CSTF3: variants seen among roughly 807,000 people sequenced by gnomAD.
CSTF3 encodes the protein cleavage stimulation factor subunit 3, also known as CF-1 77 kDa subunit.
Under a neutral mutation model 105.8 loss-of-function variants are expected in CSTF3, and 29 were observed. The observed-to-expected ratio is 0.27, with a 90% CI of 0.20 to 0.37. CSTF3 has a LOEUF of 0.37. CSTF3 is among the 10% of genes least tolerant of loss of function. CSTF3 has a pLI of 1.00. For synonymous variants in CSTF3, 252 were observed against 281.9 expected (o/e 0.89, Z 1.06); for missense variants, 357 against 879.3 (o/e 0.41, Z 7.51).
chr11:33,160,365 CT>C (rs1377640762), intron 1 of CSTF3, among the ~76,000 whole-genome samples: 1 of 152,148 alleles, frequency 6.6e-6, no homozygotes, highest in Non-Finnish European at 1.5e-5. Flanking sequence ...GCTAGGGAAC[CT>C]GAAAAACGAA....
At chr11:33,114,954 G>A (rs772147458) in intron 3 of CSTF3, among the ~76,000 whole-genome samples, 1 of 152,160 alleles carries the variant, frequency 6.6e-6, no homozygotes, top group South Asian at 2.1e-4. Flanking sequence ...ACTTTGTGTA[G>A]GTTTTCACAC....
intron 1 of CSTF3, among the ~76,000 whole-genome samples, chr11:33,157,189 C>T (rs796404550): frequency 9.9e-5 from 15 of 152,220 alleles, no homozygotes; most frequent in African/African-American, 3.4e-4. Flanking sequence ...ACCATTTCTA[C>T]TAAAAATACA....
chr11:33,116,696 A>G (rs1855434207), intron 3 of CSTF3, among the ~76,000 whole-genome samples: 1 of 152,200 alleles, frequency 6.6e-6, no homozygotes, highest in South Asian at 2.1e-4. Flanking sequence ...TGGCAGGTAA[A>G]CAATGAGGAA....
At chr11:33,087,660 G>T (rs1255316980) in intron 17 of CSTF3, among the ~76,000 whole-genome samples, 2 of 152,216 alleles carry the variant, frequency 1.3e-5, no homozygotes, top group African/African-American at 2.4e-5. Flanking sequence ...AATATTTACT[G>T]AGCAGACACT....
chr11:33,126,819 G>T (rs1489125561), intron 3 of CSTF3, among the ~76,000 whole-genome samples: 3 of 152,040 alleles, frequency 2.0e-5, no homozygotes, highest in Non-Finnish European at 2.9e-5. Flanking sequence ...GTAGCTTCCT[G>T]GAATATAGCA....
At chr11:33,153,734 T>C (rs953349872) in intron 1 of CSTF3, among the ~76,000 whole-genome samples, 1 of 149,554 alleles carries the variant, frequency 6.7e-6, no homozygotes, top group Non-Finnish European at 1.5e-5. Context: ...AAAAGATAAT[T>C]CTCTTTCTCC....
intron 18 of CSTF3, among the ~76,000 whole-genome samples, chr11:33,086,595 G>T (rs1855108205): frequency 6.6e-6 from 1 of 152,010 alleles, no homozygotes; most frequent in African/African-American, 2.4e-5. Flanking sequence ...ATGCCACCAG[G>T]CCCAGAAAAT....
chr11:33,105,818 G>T (rs1855320584), intron 7 of CSTF3, 65 bp downstream of exon 7: 12 of 1,513,814 alleles, frequency 7.9e-6, no homozygotes, highest in South Asian at 1.2e-5. Flanking sequence ...ATTTCTCAAA[G>T]AACTAAAAAT....
intron 17 of CSTF3, among the ~76,000 whole-genome samples, chr11:33,088,290 T>TC (rs1590260440): frequency 2.8e-5 from 3 of 106,618 alleles, no homozygotes; most frequent in African/African-American, 1.6e-4. Context: ...ACTTACTCTC[T>TC]TTTTTTTTTT....
At chr11:33,106,308 C>T (rs907839341) in intron 5 of CSTF3, among the ~76,000 whole-genome samples, 9 of 152,058 alleles carry the variant, frequency 5.9e-5, no homozygotes, top group East Asian at 1.9e-4. Context: ...CCTAGCTACT[C>T]GGAAGGCTGA....
rs775372351 is a variant in CSTF3 at position 33,100,072 on chromosome 11, T to C, written c.827-355A>G. On this transcript the variant is annotated intron_variant, in intron 10 of 20. Coordinates refer to ENST00000323959, the MANE Select transcript of CSTF3 (RefSeq NM_001326.3). ...ACATCTGGCTTATTTTTAAAAATCT[T>C]GTGGCCAGGTGCGGTGGCTCACATC... 6.9e-4 allele frequency among the ~76,000 whole-genome samples: 105 copies of C among 151,896 alleles called. 1 individual carries two copies. Among genetic ancestry groups the C allele is most frequent in the Non-Finnish European group, 2.6e-4 (18 of 67,952 alleles).
chr11:33,147,510 G>A (rs1055720372), intron 1 of CSTF3, among the ~76,000 whole-genome samples: 4 of 151,534 alleles, frequency 2.6e-5, no homozygotes, highest in Non-Finnish European at 5.9e-5. Context: ...CAAGAGAATC[G>A]CTTGAGACCA....
chr11:33,124,658 A>G (rs1395606206), intron 3 of CSTF3, among the ~76,000 whole-genome samples: 1 of 152,212 alleles, frequency 6.6e-6, no homozygotes, highest in Non-Finnish European at 1.5e-5. Context: ...GGAAGCAAAT[A>G]TGAAGAGAAA....
intron 1 of CSTF3, among the ~76,000 whole-genome samples, chr11:33,152,478 T>G (rs1487257882): frequency 1.3e-5 from 2 of 152,116 alleles, no homozygotes; most frequent in Non-Finnish European, 2.9e-5. Flanking sequence ...AAATCCCTTA[T>G]CAGACATGAT....
At chr11:33,137,305 TAC>T (rs141856365) in intron 3 of CSTF3, among the ~76,000 whole-genome samples, 2,546 of 151,900 alleles carry the variant, frequency 0.017, 80 homozygotes, top group African/African-American at 0.059. Flanking sequence ...TTAGAAAACA[TAC>T]AGTTTTATTT....
chr11:33,153,891 T>G (rs973777009), intron 1 of CSTF3, among the ~76,000 whole-genome samples: 1 of 152,066 alleles, frequency 6.6e-6, no homozygotes, highest in Non-Finnish European at 1.5e-5. Flanking sequence ...TAAGACGATG[T>G]AAGCTTTTTA....
chr11:33,087,574 G>C (rs1005410035), intron 17 of CSTF3, among the ~76,000 whole-genome samples: 2 of 152,176 alleles, frequency 1.3e-5, no homozygotes, highest in African/African-American at 4.8e-5. Flanking sequence ...GTTTTGTGAA[G>C]GCATCACACC....
intron 15 of CSTF3, among the ~76,000 whole-genome samples, chr11:33,093,005 C>T (rs1225479598): frequency 3.3e-5 from 5 of 152,188 alleles, no homozygotes; most frequent in Non-Finnish European, 4.4e-5. Context: ...ACAGTAACAA[C>T]AACCATTGAA....
At chr11:33,144,978 A>T (rs1260160978) in intron 1 of CSTF3, 5 of 111,584 alleles carry the variant, frequency 4.5e-5, no homozygotes, top group African/African-American at 1.3e-4. Flanking sequence ...CCCTGTCTTT[A>T]AAAAAAAAAA....
Sources: gnomAD v4.1 joint callset for allele counts (sites outside exome capture counted in the v4.1 genomes callset) on GRCh38, gnomAD v4.1.1 for gene constraint, MANE v1.5 for transcripts, NCBI Gene and HGNC (gene_info 2026-07-23, HGNC 2026-07-21) for gene names.